The following LDB2 variants were observed in gnomAD, a reference collection of about 807,000 sequenced individuals.
LDB2 encodes the protein LIM domain binding 2, also known as LIM domain-binding protein 2.
In LDB2, 12 loss-of-function variants were observed where a neutral mutation model predicts 44.3. That is an observed-to-expected ratio of 0.27 (90% CI 0.17 to 0.44). The LOEUF is 0.44. Ranked by LOEUF, LDB2 falls within the 20% of genes least tolerant of loss-of-function variation. The pLI is 1.00. For missense variants in LDB2, 344 were observed against 473.5 expected (o/e 0.73, Z 2.54); for synonymous variants, 164 against 174.8 (o/e 0.94, Z 0.49).
chr4:16,720,916 A>C (rs1397814846), intron 2 of LDB2, among the ~76,000 whole-genome samples: 2 of 152,148 alleles, frequency 1.3e-5, no homozygotes, highest in African/African-American at 4.8e-5. Context: ...CAGTCTAAAG[A>C]TAGACTAGGC....
intron 5 of LDB2, among the ~76,000 whole-genome samples, chr4:16,522,145 GTGCTC>G (rs1560352456): frequency 4.5e-5 from 3 of 66,098 alleles, no homozygotes; most frequent in Non-Finnish European, 1.3e-4. Flanking sequence ...CTTATGGAAA[GTGCTC>G]TATACATGTT....
intron 2 of LDB2, among the ~76,000 whole-genome samples, chr4:16,602,812 T>C (rs1722923264): frequency 6.6e-6 from 1 of 152,146 alleles, no homozygotes; most frequent in South Asian, 2.1e-4. Flanking sequence ...CTCCTGCTGT[T>C]ACAGAGCTTT....
At chr4:16,765,299 C>T (rs542272195) in intron 1 of LDB2, among the ~76,000 whole-genome samples, 1 of 152,208 alleles carries the variant, frequency 6.6e-6, no homozygotes, top group Non-Finnish European at 1.5e-5. Context: ...GCCAAGGGAC[C>T]TCCAGCAGCT....
At chr4:16,794,254 T>C (rs1410829313) in intron 1 of LDB2, among the ~76,000 whole-genome samples, 1 of 152,144 alleles carries the variant, frequency 6.6e-6, no homozygotes, top group Non-Finnish European at 1.5e-5. Flanking sequence ...CTATATTCTA[T>C]ATCCTGAAGG....
intron 1 of LDB2, among the ~76,000 whole-genome samples, chr4:16,867,509 T>G (rs35327118): frequency 2.6e-5 from 4 of 151,934 alleles, no homozygotes; most frequent in African/African-American, 9.7e-5. Context: ...TGTTCTTTCA[T>G]GCCAATAGAA....
At chr4:16,540,967 A>G (rs1410700173) in intron 5 of LDB2, among the ~76,000 whole-genome samples, 1 of 152,196 alleles carries the variant, frequency 6.6e-6, no homozygotes. Context: ...AGAATGAAAA[A>G]TAGTGATGTC....
At chr4:16,665,871 CAGAT>C (rs1392161356) in intron 2 of LDB2, among the ~76,000 whole-genome samples, 1 of 152,040 alleles carries the variant, frequency 6.6e-6, no homozygotes, top group Non-Finnish European at 1.5e-5. Flanking sequence ...GAAGGGAAAA[CAGAT>C]AAAGACACAG....
At chr4:16,707,007 A>C (rs2201662) in intron 2 of LDB2, among the ~76,000 whole-genome samples, 15,838 of 152,100 alleles carry the variant, frequency 0.1, 1,050 homozygotes, top group Admixed American at 0.17. Flanking sequence ...TTGGCAAACA[A>C]TCCAGGGTGA....
At chr4:16,580,421 A>T in intron 5 of LDB2, among the ~76,000 whole-genome samples, 1 of 152,204 alleles carries the variant, frequency 6.6e-6, no homozygotes, top group East Asian at 1.9e-4. Flanking sequence ...AGAGGATAAA[A>T]ATTCTGGAAT....
chr4:16,503,171 A>G, intron 7 of LDB2: 3 of 1,534,078 alleles, frequency 2.0e-6, no homozygotes, highest in Non-Finnish European at 2.6e-6. Flanking sequence ...AATTAAAAAA[A>G]TCCATGCTTT....
At chr4:16,735,128 T>C (rs1044436238) in intron 2 of LDB2, among the ~76,000 whole-genome samples, 7 of 152,162 alleles carry the variant, frequency 4.6e-5, no homozygotes, top group East Asian at 1.9e-4. Flanking sequence ...TGATGAATGA[T>C]GTACGTAGTG....
chr4:16,843,426 T>C (rs1465343395), intron 1 of LDB2, among the ~76,000 whole-genome samples: 2 of 152,180 alleles, frequency 1.3e-5, no homozygotes, highest in Admixed American at 1.3e-4. Context: ...AATGAGTGAA[T>C]GAGTGAATGA....
At chr4:16,730,127 C>T (rs59161110) in intron 2 of LDB2, among the ~76,000 whole-genome samples, 91 of 152,276 alleles carry the variant, frequency 6.0e-4, no homozygotes, top group African/African-American at 1.7e-3. Context: ...TGGCCTGCAA[C>T]GTCAGAAAGT....
intron 1 of LDB2, among the ~76,000 whole-genome samples, chr4:16,814,830 T>C (rs905928176): frequency 2.6e-5 from 4 of 152,208 alleles, no homozygotes; most frequent in African/African-American, 4.8e-5. Context: ...ATCAGAGTTA[T>C]TTGGAGAAAC....
chr4:16,842,287 A>T (rs2108935), intron 1 of LDB2, among the ~76,000 whole-genome samples: 2 of 152,086 alleles, frequency 1.3e-5, no homozygotes, highest in Non-Finnish European at 1.5e-5. Flanking sequence ...TTGTTCAATG[A>T]AAGGAGAAAG....
chr4:16,726,485 A>T (rs1759491651), intron 2 of LDB2: 1 of 150,562 alleles, frequency 6.6e-6, no homozygotes, highest in African/African-American at 2.5e-5. Flanking sequence ...GAGGCAAGGA[A>T]TATGAGAAGA....
intron 1 of LDB2, among the ~76,000 whole-genome samples, chr4:16,810,894 A>T (rs1002496046): frequency 6.6e-5 from 10 of 152,296 alleles, no homozygotes; most frequent in South Asian, 4.1e-4. Context: ...AGTTATAGCA[A>T]CAGTCCCCAA....
chr4:16,824,388 G>C (rs1442432956), intron 1 of LDB2, among the ~76,000 whole-genome samples: 2 of 152,200 alleles, frequency 1.3e-5, no homozygotes, highest in East Asian at 3.8e-4. Flanking sequence ...GTTGGGATGA[G>C]TACATGAGAT....
chr4:16,797,244 A>T (rs1198528856), intron 1 of LDB2, among the ~76,000 whole-genome samples: 1 of 152,160 alleles, frequency 6.6e-6, no homozygotes, highest in African/African-American at 2.4e-5. Flanking sequence ...TTTGGCTGAA[A>T]AAAATGCAGG....
Sources: allele counts gnomAD v4.1 joint callset (sites outside exome capture counted in the v4.1 genomes callset), GRCh38; gene constraint gnomAD v4.1.1; transcripts MANE v1.5; gene names NCBI Gene and HGNC (gene_info 2026-07-23, HGNC 2026-07-21).